Variants in EBAG9 observed in about 807,000 individuals in gnomAD.
EBAG9 encodes estrogen receptor binding site associated antigen 9, also known as receptor-binding cancer antigen expressed on SiSo cells.
A neutral mutation model predicts 30.9 loss-of-function variants in EBAG9; 16 were observed. The observed-to-expected ratio is 0.52, with a 90% CI of 0.35 to 0.79. The LOEUF (loss-of-function observed/expected upper bound fraction) is 0.79, where lower values mean the gene tolerates loss of function less well. EBAG9 is among the 30% of genes least tolerant of loss of function. The probability of loss-of-function intolerance (pLI) is 0.01; values close to 1 mark genes in which losing one functional copy is unlikely to be tolerated. For synonymous variants in EBAG9, 93 were observed against 82.8 expected (o/e 1.12, Z -0.67); for missense variants, 197 against 242.1 (o/e 0.81, Z 1.24).
chr8:109,553,279 A>G (rs1417307994), intron 2 of EBAG9, among the ~76,000 whole-genome samples: 3 of 152,198 alleles, frequency 2.0e-5, no homozygotes, highest in Non-Finnish European at 4.4e-5. Flanking sequence ...GGTAATTCTA[A>G]CTAGACATAA....
chr8:109,556,531 A>G (rs543742379), intron 4 of EBAG9, among the ~76,000 whole-genome samples: 10 of 152,238 alleles, frequency 6.6e-5, no homozygotes, highest in East Asian at 1.9e-4. Context: ...AACATATCAT[A>G]TAAGTGTATT....
At chr8:109,546,337 T>C (rs531707369) in intron 1 of EBAG9, among the ~76,000 whole-genome samples, 9 of 152,214 alleles carry the variant, frequency 5.9e-5, no homozygotes, top group Non-Finnish European at 1.0e-4. Flanking sequence ...GTATACAATT[T>C]GATTAGTTTT....
At position 109,548,312 on chromosome 8, in the gene EBAG9, G is replaced by A. The variant is rs184028500; in HGVS notation, c.-15-2498G>A. On this transcript the variant is annotated intron_variant, in intron 1 of 6. Transcript: ENST00000337573. ...ATCAGATTTCAGTTTTTGTATATAC[G>A]TGGGTCTATTCCTTTACTTTCCATT... Among the ~76,000 whole-genome samples, 290 of 151,568 alleles carry A rather than the reference G, an allele frequency of 1.9e-3. 4 individuals are homozygous for A. Among genetic ancestry groups the A allele is most frequent in the African/African-American group, 6.7e-3 (275 of 41,310 alleles).
chr8:109,565,356 A>G lies in EBAG9; in HGVS notation c.*797A>G, dbSNP rs1345810852. ...ATGTTGTGGTATCTTTGAGTGCCTT[A>G]GTTCTTCCTTCCTCCCAAAAGCCAT... On this transcript the variant is annotated 3_prime_UTR_variant, in exon 7 of 7. Transcript: ENST00000337573. The G allele has an allele frequency of 6.6e-6, 1 of 152,080 alleles. No homozygotes were observed. The highest frequency in any genetic ancestry group is 1.5e-5 in the Non-Finnish European group (1 of 67,946). 9.4% of individuals were successfully genotyped at this position (152,080 alleles called of 1,614,324 possible). A position where few individuals can be genotyped will look rare whatever the true frequency, so the allele number is the denominator to read the frequency against.
chr8:109,564,361 CT>C, intron 6 of EBAG9, 77 bp from the exon 7 acceptor site: 1 of 1,542,654 alleles, frequency 6.5e-7, no homozygotes, highest in Non-Finnish European at 8.8e-7. Flanking sequence ...TAAAAAGGCA[CT>C]GCTATTTCTT....
intron 5 of EBAG9, among the ~76,000 whole-genome samples, chr8:109,559,287 C>T (rs530998910): frequency 6.6e-6 from 1 of 151,852 alleles, no homozygotes; most frequent in Non-Finnish European, 1.5e-5. Context: ...CGAAATCCCC[C>T]CTCTACAAAA....
At chr8:109,557,720 T>C (rs1386252530) in intron 5 of EBAG9, 1 of 455,896 alleles carries the variant, frequency 2.2e-6, no homozygotes, top group Non-Finnish European at 4.4e-6. Context: ...GAATTTCTCA[T>C]GAGTTTGCAG....
At chr8:109,562,949 G>A (rs1402081095) in intron 6 of EBAG9, among the ~76,000 whole-genome samples, 1 of 151,948 alleles carries the variant, frequency 6.6e-6, no homozygotes, top group Non-Finnish European at 1.5e-5. Flanking sequence ...ATTTCAGCTA[G>A]TAACCAGGTC....
chr8:109,547,919 G>A (rs1821419317), intron 1 of EBAG9, among the ~76,000 whole-genome samples: 3 of 152,080 alleles, frequency 2.0e-5, no homozygotes, highest in Admixed American at 2.0e-4. Flanking sequence ...GCTTTGCAAG[G>A]ATTTTTCTCT....
intron 6 of EBAG9, among the ~76,000 whole-genome samples, chr8:109,562,056 G>A (rs1002112497): frequency 1.1e-4 from 17 of 151,526 alleles, no homozygotes; most frequent in Admixed American, 4.6e-4. Flanking sequence ...GATATTGCAT[G>A]GATCATCAAA....
At chr8:109,553,266 G>A (rs1476512419) in intron 2 of EBAG9, among the ~76,000 whole-genome samples, 1 of 152,180 alleles carries the variant, frequency 6.6e-6, no homozygotes, top group African/African-American at 2.4e-5. Flanking sequence ...AGGCTGAAAA[G>A]TAGGTAATTC....
At position 109,565,432 on chromosome 8, in the gene EBAG9, A is replaced by G. The variant is rs1025736443; in HGVS notation, c.*873A>G. 2 of 152,112 alleles carry G rather than the reference A, an allele frequency of 1.3e-5. No individual in the cohort carries two copies. The highest frequency in any genetic ancestry group is 4.8e-5 in the African/African-American group (2 of 41,458). The allele number at this position is 152,112 out of a possible 1,614,324, so 9.4% of individuals were successfully genotyped here. ...AGGTCAAATATTTCAAAGCCTTTAG[A>G]TGATTTCTGTACTAGCTTTAGATGT... On this transcript the variant is annotated 3_prime_UTR_variant, in exon 7 of 7. Transcript: ENST00000337573.
intron 4 of EBAG9, 70 bp downstream of exon 4, chr8:109,554,957 C>A (rs963685433): frequency 2.8e-5 from 38 of 1,357,428 alleles, no homozygotes; most frequent in African/African-American, 1.3e-4. Context: ...TTAGGTGATA[C>A]AATTCACATT....
intron 1 of EBAG9, among the ~76,000 whole-genome samples, chr8:109,541,644 C>G (rs1302968954): frequency 1.3e-5 from 2 of 152,172 alleles, no homozygotes; most frequent in African/African-American, 4.8e-5. Flanking sequence ...GACTGATGGA[C>G]GTCCTGCCTC....
rs1035993954 is a variant in EBAG9 at position 109,565,834 on chromosome 8, A to G, written c.*1275A>G. 1 of 152,138 alleles carries G rather than the reference A, an allele frequency of 6.6e-6. No individual in the cohort carries two copies. Among genetic ancestry groups the G allele is most frequent in the Admixed American group, 6.5e-5 (1 of 15,278 alleles). 9.4% of individuals were successfully genotyped at this position (152,138 alleles called of 1,614,324 possible). A position where few individuals can be genotyped will look rare whatever the true frequency, so the allele number is the denominator to read the frequency against. On this transcript the variant is annotated 3_prime_UTR_variant, in exon 7 of 7. Transcript: ENST00000337573. ...TTTATAGAAAAATCATAAGTTATAC[A>G]ATGAGAACCCTTTAAGCCCTTAGCC...
chr8:109,542,021 C>T (rs1191899100), intron 1 of EBAG9, among the ~76,000 whole-genome samples: 5 of 152,078 alleles, frequency 3.3e-5, no homozygotes, highest in Non-Finnish European at 5.9e-5. Context: ...ATTAAATATA[C>T]CTAGGTTTGA....
At chr8:109,547,955 C>G (rs1457150937) in intron 1 of EBAG9, among the ~76,000 whole-genome samples, 7 of 152,004 alleles carry the variant, frequency 4.6e-5, no homozygotes, top group Non-Finnish European at 1.0e-4. Context: ...CTTTTCATTC[C>G]ATTAATAGTG....
In EBAG9 at chr8:109,550,800, T is replaced by A; in HGVS notation, c.-15-10T>A. The stretch of plus-strand genomic sequence containing the variant: ...TTTAATGCATTTTTTGTTTTGTGCC[T>A]CTTCCACAGGTTTTGATTCCCACCA... On this transcript the variant is annotated splice_polypyrimidine_tract_variant and intron_variant, in intron 1 of 6. Transcript: ENST00000337573. The A allele has an allele frequency of 6.5e-7, 1 of 1,548,620 alleles. No individual in the cohort carries two copies. Among genetic ancestry groups the A allele is most frequent in the East Asian group, 2.3e-5 (1 of 43,740 alleles).
At chr8:109,561,413 A>G (rs943718515) in intron 6 of EBAG9, among the ~76,000 whole-genome samples, 3 of 151,928 alleles carry the variant, frequency 2.0e-5, no homozygotes, top group African/African-American at 4.8e-5. Flanking sequence ...TGAAAGCCCT[A>G]TGTGTTAGAT....
Sources: gnomAD v4.1 joint callset for allele counts (sites outside exome capture counted in the v4.1 genomes callset) on GRCh38, gnomAD v4.1.1 for gene constraint, MANE v1.5 for transcripts, NCBI Gene and HGNC (gene_info 2026-07-23, HGNC 2026-07-21) for gene names.